The following EPB41L2 variants were observed in gnomAD, a reference collection of about 807,000 sequenced individuals.
EPB41L2 encodes erythrocyte membrane protein band 4.1 like 2, also known as band 4.1-like protein 2.
A neutral mutation model predicts 113.0 loss-of-function variants in EPB41L2; 43 were observed. That is an observed-to-expected ratio of 0.38 (90% confidence interval 0.30 to 0.49). EPB41L2 has a LOEUF of 0.49. Ranked by LOEUF, EPB41L2 falls within the 20% of genes least tolerant of loss-of-function variation. The pLI, the probability that EPB41L2 is intolerant of heterozygous loss-of-function variation, is 0.95. For synonymous variants in EPB41L2, 442 were observed against 436.7 expected (o/e 1.01, Z -0.15); for missense variants, 1,147 against 1,223.4 (o/e 0.94, Z 0.93).
chr6:131,011,056 C>T (rs1296677352), intron 1 of EPB41L2, among the ~76,000 whole-genome samples: 3 of 152,348 alleles, frequency 2.0e-5, no homozygotes, highest in Middle Eastern at 3.4e-3. Context: ...AAGATGTTTG[C>T]TTCTTTTTCT....
intron 3 of EPB41L2, among the ~76,000 whole-genome samples, chr6:130,939,738 T>A (rs1810146059): frequency 6.6e-6 from 1 of 152,198 alleles, no homozygotes; most frequent in Non-Finnish European, 1.5e-5. Flanking sequence ...TCAAAACAGA[T>A]GCTACTAAAG....
chr6:131,060,109 A>G (rs897967213), intron 1 of EPB41L2, among the ~76,000 whole-genome samples: 1 of 152,210 alleles, frequency 6.6e-6, no homozygotes, highest in East Asian at 1.9e-4. Context: ...AAAGAAAGAA[A>G]AAGGCCCATG....
Position 130,956,249 on chromosome 6 carries a change from C to A in EPB41L2, c.237G>T (p.Pro79=). The part of the protein sequence containing the change: ...SESRGISRFI[P]PWLKKQKSYT... ...ATGACTTTTGCTTCTTAAGCCATGG[C>A]GGTATGAACCGAGAAATACCCCTGC... The change falls in exon 2 of 20, where the codon CCG becomes CCT. Residue 79 remains proline, a synonymous_variant. Coordinates refer to ENST00000337057, the MANE Select transcript of EPB41L2 (RefSeq NM_001431.4). 1 of 1,614,150 alleles carries A rather than the reference C, an allele frequency of 6.2e-7. No homozygotes were observed. Among genetic ancestry groups the A allele is most frequent in the Non-Finnish European group, 8.5e-7 (1 of 1,180,032 alleles).
intron 3 of EPB41L2, among the ~76,000 whole-genome samples, chr6:130,933,086 A>C (rs980742048): frequency 3.3e-5 from 5 of 152,236 alleles, no homozygotes; most frequent in Admixed American, 6.5e-5. Context: ...GGAAAAAGCC[A>C]ATCTGCCCCT....
chr6:130,841,328 G>A (rs1005970197), intron 19 of EPB41L2, among the ~76,000 whole-genome samples: 3 of 152,058 alleles, frequency 2.0e-5, no homozygotes, highest in Non-Finnish European at 4.4e-5. Flanking sequence ...AGAGATAGAA[G>A]ACTGGTCAAA....
In EPB41L2 at chr6:130,939,920, A is replaced by G. The variant is rs527241347; in HGVS notation, c.706-13211T>C. ...CTTCCAATTAAAGATGGTAGAATGAACATGCACACTTAGCTCTGTTCCCTA... is the reference window on the plus strand; with the variant it reads ...CTTCCAATTAAAGATGGTAGAATGAGCATGCACACTTAGCTCTGTTCCCTA... On this transcript the variant is annotated intron_variant, in intron 3 of 19. Transcript: ENST00000337057. 3.6e-3 allele frequency among the ~76,000 whole-genome samples: 548 copies of G among 152,352 alleles called. 3 individuals carry two copies. Among genetic ancestry groups the G allele is most frequent in the Non-Finnish European group, 4.8e-3 (327 of 68,026 alleles).
chr6:130,887,988 C>T (rs919445150), intron 11 of EPB41L2, among the ~76,000 whole-genome samples: 1 of 152,034 alleles, frequency 6.6e-6, no homozygotes, highest in South Asian at 2.1e-4. Context: ...GATTGAATCC[C>T]ACTTTTCACT....
intron 19 of EPB41L2, among the ~76,000 whole-genome samples, chr6:130,854,038 T>G (rs1031266241): frequency 3.3e-5 from 5 of 152,222 alleles, no homozygotes; most frequent in Non-Finnish European, 7.3e-5. Context: ...ACTGAGGTCA[T>G]TCCTAGTCAT....
intron 15 of EPB41L2, chr6:130,868,351 A>C (rs192984864): frequency 6.6e-6 from 1 of 152,384 alleles, no homozygotes; most frequent in African/African-American, 2.4e-5. Context: ...TGCTTTGAAC[A>C]ATTTAAAACA....
chr6:130,857,066 A>G (rs189707534), intron 19 of EPB41L2, among the ~76,000 whole-genome samples: 141 of 152,340 alleles, frequency 9.3e-4, no homozygotes, highest in African/African-American at 3.2e-3. Flanking sequence ...ATAAATTCTT[A>G]TAAGTAGTTT....
At chr6:131,044,575 G>A (rs1433668591) in intron 1 of EPB41L2, among the ~76,000 whole-genome samples, 1 of 151,940 alleles carries the variant, frequency 6.6e-6, no homozygotes, top group Non-Finnish European at 1.5e-5. Context: ...AAAATCTTTA[G>A]CTTGGAAGAT....
chr6:130,858,034 G>A, intron 19 of EPB41L2, 97 bp downstream of exon 19: 1 of 944,326 alleles, frequency 1.1e-6, no homozygotes, highest in Non-Finnish European at 1.7e-6. Flanking sequence ...ACTATAGGAA[G>A]AAGACACTGA....
intron 4 of EPB41L2, among the ~76,000 whole-genome samples, chr6:130,910,370 A>T (rs907738658): frequency 1.3e-5 from 2 of 152,234 alleles, no homozygotes; most frequent in Non-Finnish European, 2.9e-5. Flanking sequence ...CCTTATAGAA[A>T]ATTAACTCAA....
chr6:130,971,468 G>A lies in EPB41L2; in HGVS notation c.-14-14969C>T, dbSNP rs769681949. Among the ~76,000 whole-genome samples the A allele has an allele frequency of 9.2e-4, 140 of 152,104 alleles. 1 individual carries two copies. The highest frequency in any genetic ancestry group is 4.1e-4 in the South Asian group (2 of 4,822). On this transcript the variant is annotated intron_variant, in intron 1 of 19. Coordinates refer to ENST00000337057, the MANE Select transcript of EPB41L2 (RefSeq NM_001431.4). ...ATCACTATTCTTGTACTTTTATTAC[G>A]TAGAATAAGGGTGATTTGAACACAA...
intron 17 of EPB41L2, among the ~76,000 whole-genome samples, chr6:130,864,349 G>A (rs147453744): frequency 6.6e-6 from 1 of 152,264 alleles, no homozygotes; most frequent in African/African-American, 2.4e-5. Flanking sequence ...TTTCAGATAC[G>A]GAAGATGGAT....
chr6:131,053,995 A>G (rs571182801), intron 1 of EPB41L2, among the ~76,000 whole-genome samples: 1 of 152,320 alleles, frequency 6.6e-6, no homozygotes, highest in African/African-American at 2.4e-5. Flanking sequence ...TGACACTAAC[A>G]GTGTCTCAGC....
intron 19 of EPB41L2, among the ~76,000 whole-genome samples, chr6:130,843,485 T>C (rs1393003198): frequency 5.3e-5 from 8 of 152,252 alleles, no homozygotes. Flanking sequence ...TCTTTGTCAA[T>C]ACAAATTGGC....
chr6:130,928,888 A>C (rs1467752659), intron 3 of EPB41L2, among the ~76,000 whole-genome samples: 1 of 152,252 alleles, frequency 6.6e-6, no homozygotes, highest in East Asian at 1.9e-4. Context: ...TGAGAATAAA[A>C]TTAACCCAGT....
intron 19 of EPB41L2, among the ~76,000 whole-genome samples, chr6:130,851,712 ACTT>A (rs1435706346): frequency 6.6e-6 from 1 of 152,224 alleles, no homozygotes; most frequent in Non-Finnish European, 1.5e-5. Flanking sequence ...CTCCAGGCTG[ACTT>A]CTGTTCATCA....
Sources: gnomAD v4.1 joint callset for allele counts (sites outside exome capture counted in the v4.1 genomes callset) on GRCh38, gnomAD v4.1.1 for gene constraint, MANE v1.5 for transcripts, NCBI Gene and HGNC (gene_info 2026-07-23, HGNC 2026-07-21) for gene names.